Variants in GRHL2 observed in about 807,000 individuals in gnomAD.
GRHL2 encodes the protein grainyhead-like protein 2 homolog.
In GRHL2, 21 loss-of-function variants were observed where a neutral mutation model predicts 83.8. The ratio of observed to expected loss-of-function variants is 0.25; its 90% confidence interval spans 0.18 to 0.36. The LOEUF (loss-of-function observed/expected upper bound fraction) is 0.36. Among genes scored for constraint, GRHL2 ranks in the 10% least tolerant of loss-of-function variants. GRHL2 has a pLI of 1.00. For synonymous variants in GRHL2, 280 were observed against 278.9 expected (o/e 1.00, Z -0.04); for missense variants, 623 against 781.8 (o/e 0.80, Z 2.42).
intron 1 of GRHL2, among the ~76,000 whole-genome samples, chr8:101,517,679 A>G (rs1490700979): frequency 6.6e-6 from 1 of 152,254 alleles, no homozygotes; most frequent in Non-Finnish European, 1.5e-5. Context: ...AGCATCAGAC[A>G]ATATAAAAAG....
At chr8:101,656,234 T>C (rs923849979) in intron 14 of GRHL2, among the ~76,000 whole-genome samples, 3 of 152,238 alleles carry the variant, frequency 2.0e-5, no homozygotes, top group Non-Finnish European at 4.4e-5. Context: ...TCCCAGAGCC[T>C]TCAGCATAAG....
chr8:101,570,205 G>A (rs1811793776), intron 4 of GRHL2, 134 bp from the exon 5 acceptor site: 1 of 772,904 alleles, frequency 1.3e-6, no homozygotes, highest in Non-Finnish European at 2.2e-6. Context: ...TTTTGCTGTA[G>A]TTGAAAACAT....
At chr8:101,674,613 G>A (rs948057291), downstream of GRHL2, among the ~76,000 whole-genome samples, 5 of 152,072 alleles carry the variant, frequency 3.3e-5, no homozygotes, top group East Asian at 3.9e-4. Context: ...ATTCATAGCC[G>A]AATTCTACCA....
chr8:101,494,787 C>T (rs377743913), intron 1 of GRHL2, among the ~76,000 whole-genome samples: 1 of 152,178 alleles, frequency 6.6e-6, no homozygotes, highest in Admixed American at 6.5e-5. Flanking sequence ...AAGTACTGAG[C>T]GCCCGCAATC....
chr8:101,676,044 T>G, the GRHL2 span, among the ~76,000 whole-genome samples: 1 of 152,192 alleles, frequency 6.6e-6, no homozygotes. Flanking sequence ...CCTTACACCT[T>G]ATACAAAAAT....
At chr8:101,649,375 G>T (rs773255971) in intron 13 of GRHL2, 39 bp from the exon 14 acceptor site, 33 of 1,515,456 alleles carry the variant, frequency 2.2e-5, no homozygotes, top group Middle Eastern at 1.8e-4. Flanking sequence ...GAATTGTGCA[G>T]CCCCTCGGTC....
intron 7 of GRHL2, among the ~76,000 whole-genome samples, chr8:101,594,058 A>G (rs1266096866): frequency 2.6e-5 from 3 of 113,468 alleles, no homozygotes; most frequent in African/African-American, 1.0e-4. Context: ...AATAAGAGTG[A>G]GAGTCTGTAT....
intron 7 of GRHL2, among the ~76,000 whole-genome samples, chr8:101,591,127 C>A (rs528882767): frequency 6.6e-6 from 1 of 152,046 alleles, no homozygotes; most frequent in African/African-American, 2.4e-5. Flanking sequence ...TGATTATATG[C>A]AAAAGATAAA....
At chr8:101,576,515 C>G (rs1039617174) in intron 6 of GRHL2, among the ~76,000 whole-genome samples, 1 of 152,154 alleles carries the variant, frequency 6.6e-6, no homozygotes, top group South Asian at 2.1e-4. Context: ...TCACCCGGCC[C>G]AGCCCTAAGA....
chr8:101,573,776 C>T lies in GRHL2; in HGVS notation c.843C>T (p.Ser281=), dbSNP rs757286518. ...GACAGTTCTATGCCATAACACTCAGCGAGACCGGAGACAACAAATGCTTCC... is the reference window on the plus strand; with the variant it reads ...GACAGTTCTATGCCATAACACTCAGTGAGACCGGAGACAACAAATGCTTCC... ...NKGQFYAITL[S]ETGDNKCFRH... is the part of the protein sequence containing the mutation. Residue 281 remains serine, a synonymous_variant, in exon 6 of 16, where the codon AGC becomes AGT. Coordinates refer to ENST00000646743, the MANE Select transcript of GRHL2 (RefSeq NM_024915.4). The T allele has an allele frequency of 2.5e-5, 41 of 1,614,008 alleles. No homozygotes were observed. Among genetic ancestry groups the T allele is most frequent in the African/African-American group, 9.3e-5 (7 of 74,884 alleles).
At chr8:101,589,808 C>T (rs1480779156) in intron 7 of GRHL2, among the ~76,000 whole-genome samples, 1 of 152,094 alleles carries the variant, frequency 6.6e-6, no homozygotes, top group African/African-American at 2.4e-5. Context: ...ATGCTGGTCA[C>T]ATATGTTTTC....
chr8:101,642,251 A>G (rs535154986), intron 12 of GRHL2, among the ~76,000 whole-genome samples: 1 of 152,374 alleles, frequency 6.6e-6, no homozygotes, highest in African/African-American at 2.4e-5. Context: ...GAAAGTGTGA[A>G]AAAGTATTTT....
intron 3 of GRHL2, among the ~76,000 whole-genome samples, chr8:101,556,358 G>A (rs1479913342): frequency 4.6e-5 from 7 of 152,108 alleles, no homozygotes; most frequent in South Asian, 2.1e-4. Context: ...AAACAACGCA[G>A]GCATCAGAGA....
chr8:101,569,498 TC>T (rs1811779057), intron 4 of GRHL2, among the ~76,000 whole-genome samples: 1 of 152,202 alleles, frequency 6.6e-6, no homozygotes, highest in Non-Finnish European at 1.5e-5. Flanking sequence ...TAATAGGCAC[TC>T]CAGCCTGTCG....
chr8:101,676,644 T>A, the GRHL2 span, among the ~76,000 whole-genome samples: 1 of 152,136 alleles, frequency 6.6e-6, no homozygotes. Flanking sequence ...ATTGTGGAAG[T>A]CAGTGTGGCG....
chr8:101,656,158 T>G (rs1414387086), intron 14 of GRHL2, among the ~76,000 whole-genome samples: 1 of 152,214 alleles, frequency 6.6e-6, no homozygotes, highest in East Asian at 1.9e-4. Flanking sequence ...GTTTATTGTT[T>G]CTCTCTTCCC....
At chr8:101,522,469 G>A (rs1200270320) in intron 1 of GRHL2, among the ~76,000 whole-genome samples, 1 of 152,082 alleles carries the variant, frequency 6.6e-6, no homozygotes, top group African/African-American at 2.4e-5. Flanking sequence ...TGTGGGCCTG[G>A]AACCAATCCC....
chr8:101,610,159 TCCCCATGCTCTCCCCAG>T (rs1812718537), intron 8 of GRHL2, among the ~76,000 whole-genome samples: 1 of 150,710 alleles, frequency 6.6e-6, no homozygotes, highest in African/African-American at 2.5e-5. Context: ...CTGAGAGACT[TCCCCATGCTCTCCCCAG>T]CAATACCTGG....
intron 14 of GRHL2, among the ~76,000 whole-genome samples, chr8:101,661,745 A>G (rs1406592497): frequency 2.0e-5 from 3 of 152,186 alleles, no homozygotes; most frequent in Admixed American, 1.3e-4. Flanking sequence ...TTTCACCCTG[A>G]TAAGTGAGAG....
Sources: gnomAD v4.1 joint callset for allele counts (sites outside exome capture counted in the v4.1 genomes callset) on GRCh38, gnomAD v4.1.1 for gene constraint, MANE v1.5 for transcripts, NCBI Gene and HGNC (gene_info 2026-07-23, HGNC 2026-07-21) for gene names.